PLEKHA2: variants seen among roughly 807,000 people sequenced by gnomAD.
PLEKHA2 encodes pleckstrin homology domain containing A2, also known as pleckstrin homology domain-containing family A member 2.
Under a neutral mutation model 53.2 loss-of-function variants are expected in PLEKHA2, and 28 were observed. That is an observed-to-expected ratio of 0.53 (90% CI 0.39 to 0.72). The LOEUF (loss-of-function observed/expected upper bound fraction) is 0.72, where lower values mean the gene tolerates loss of function less well. Among genes scored for constraint, PLEKHA2 ranks in the 30% least tolerant of loss-of-function variants. The probability of loss-of-function intolerance (pLI) is 0.00; values close to 1 mark genes in which losing one functional copy is unlikely to be tolerated. For missense variants in PLEKHA2, 426 were observed against 537.9 expected (o/e 0.79, Z 2.06); for synonymous variants, 193 against 196.4 (o/e 0.98, Z 0.14).
rs764489062 is a variant in PLEKHA2, at chr8:38,957,319, C to T, written c.774-4C>T. The T allele has an allele frequency of 1.2e-6, 2 of 1,609,782 alleles. No homozygotes were observed. Among genetic ancestry groups the T allele is most frequent in the Admixed American group, 3.3e-5 (2 of 59,960 alleles). On this transcript the variant is annotated splice_polypyrimidine_tract_variant and splice_region_variant and intron_variant, in intron 9 of 11. Transcript: ENST00000617275. ...CATAACATTCTTTCTCTTTCTCTGT[C>T]TAGTGATCTCTTAATGAGGGACAAC...
At chr8:38,913,338 T>C (rs570183667) in intron 1 of PLEKHA2, among the ~76,000 whole-genome samples, 2 of 137,136 alleles carry the variant, frequency 1.5e-5, no homozygotes, top group East Asian at 4.2e-4. Flanking sequence ...CACTCCAGCC[T>C]GGGTGACATA....
chr8:38,904,993 A>G (rs1833848379), intron 1 of PLEKHA2, among the ~76,000 whole-genome samples: 1 of 152,232 alleles, frequency 6.6e-6, no homozygotes. Context: ...TCCATTTTGC[A>G]GATTAGGAAA....
In PLEKHA2 at chr8:38,922,339, T is replaced by C. The variant is rs1421894704; in HGVS notation, c.141+4269T>C. Among the ~76,000 whole-genome samples the C allele has an allele frequency of 1.3e-5, 2 of 152,112 alleles. No homozygotes were observed. Among genetic ancestry groups the C allele is most frequent in the African/African-American group, 2.4e-5 (1 of 41,416 alleles). On this transcript the variant is annotated intron_variant, in intron 2 of 11. Coordinates refer to ENST00000617275, the MANE Select transcript of PLEKHA2 (RefSeq NM_021623.2). This position sits in a 1 kb window ranked among gnomAD's most constrained non-coding sequence, Gnocchi z 4.0. ...CCAGCATTTGATGAATATGTGTTCA[T>C]TGAATGAAGGAATGAATGAGCCAGC... is the stretch of plus-strand genomic sequence containing the variant.
intron 5 of PLEKHA2, among the ~76,000 whole-genome samples, chr8:38,949,366 G>T (rs987068535): frequency 6.6e-6 from 1 of 152,144 alleles, no homozygotes; most frequent in African/African-American, 2.4e-5. Flanking sequence ...GGCCTCTCCC[G>T]TTCTGCTGGG....
At chr8:38,955,173 G>A (rs1030842606) in intron 9 of PLEKHA2, among the ~76,000 whole-genome samples, 3 of 152,152 alleles carry the variant, frequency 2.0e-5, no homozygotes, top group Admixed American at 6.5e-5. Flanking sequence ...CAGTGTCCAC[G>A]GTGCCCAAAT....
intron 2 of PLEKHA2, among the ~76,000 whole-genome samples, chr8:38,929,102 C>T (rs539107375): frequency 2.5e-4 from 38 of 152,202 alleles, no homozygotes; most frequent in Admixed American, 7.8e-4. Flanking sequence ...TCTACATGGC[C>T]GTGGCTTTTG....
chr8:38,957,493 T>C (rs1674975286), intron 10 of PLEKHA2, 107 bp downstream of exon 10: 4 of 984,022 alleles, frequency 4.1e-6, no homozygotes, highest in African/African-American at 3.2e-5. Context: ...TTGAAGTTTC[T>C]AGGCAGTAAA....
chr8:38,964,566 C>T (rs1564158662), intron 10 of PLEKHA2, among the ~76,000 whole-genome samples: 2 of 152,114 alleles, frequency 1.3e-5, no homozygotes, highest in Non-Finnish European at 2.9e-5. Flanking sequence ...TTGTCTTCCA[C>T]AAAACCGATC....
chr8:38,941,687 T>C (rs547236760), intron 3 of PLEKHA2, among the ~76,000 whole-genome samples: 13 of 152,320 alleles, frequency 8.5e-5, no homozygotes, highest in African/African-American at 2.9e-4. Flanking sequence ...TCAAAAGCTA[T>C]AAATAATCCC....
At chr8:38,954,214 C>T (rs1405635587) in intron 9 of PLEKHA2, among the ~76,000 whole-genome samples, 1 of 152,234 alleles carries the variant, frequency 6.6e-6, no homozygotes, top group African/African-American at 2.4e-5. Flanking sequence ...TGCATGAAAA[C>T]AACATGCTGT....
intron 2 of PLEKHA2, 125 bp downstream of exon 2, chr8:38,918,195 G>C (rs1478234501): frequency 2.3e-6 from 3 of 1,277,780 alleles, no homozygotes; most frequent in Admixed American, 5.2e-5. Context: ...AGCAGGGAGG[G>C]GACAACCCTA....
At position 38,951,097 on chromosome 8, in the gene PLEKHA2, G is replaced by T. The variant is rs189761026; in HGVS notation, c.486+107G>T. The T allele has an allele frequency of 8.0e-3, 5,438 of 683,832 alleles. 1,084 individuals carry two copies. The highest frequency in any genetic ancestry group is 9.9e-3 in the Non-Finnish European group (4,554 of 457,780). 42.4% of individuals were successfully genotyped at this position (683,832 alleles called of 1,614,324 possible). ...TACTGGGGAAAAGGAGGGTGGGAGT[G>T]GGGGGCAGCTGGTGCCAGTGGAGCC... On this transcript the variant is annotated intron_variant, in intron 6 of 11. Coordinates refer to ENST00000617275, the MANE Select transcript of PLEKHA2 (RefSeq NM_021623.2).
chr8:38,951,012 G>T lies in PLEKHA2; in HGVS notation c.486+22G>T, dbSNP rs758360445. ...CCAGGTGAGGGGCCTGACTGGGGCT[G>T]CGGGGGGAGTGGGGGTGTGGAAGTG... On this transcript the variant is annotated intron_variant, in intron 6 of 11. Coordinates refer to ENST00000617275, the MANE Select transcript of PLEKHA2 (RefSeq NM_021623.2). 2.2e-5 allele frequency: 35 copies of T among 1,610,072 alleles called. No homozygotes were observed. The South Asian group carries it at 3.8e-4, about 17-fold the overall frequency.
chr8:38,902,902 A>G (rs992237811), intron 1 of PLEKHA2, among the ~76,000 whole-genome samples: 1 of 152,324 alleles, frequency 6.6e-6, no homozygotes, highest in African/African-American at 2.4e-5. Flanking sequence ...GTAAGCTTTT[A>G]GAAAGCATCA....
intron 10 of PLEKHA2, among the ~76,000 whole-genome samples, chr8:38,965,120 T>TTAGG (rs1373834131): frequency 2.0e-5 from 3 of 152,202 alleles, no homozygotes; most frequent in Admixed American, 6.5e-5. Flanking sequence ...ACAAATTGTA[T>TTAGG]TAGGTAGTCA....
At chr8:38,967,295 T>A (rs1249008605) in intron 10 of PLEKHA2, among the ~76,000 whole-genome samples, 1 of 152,108 alleles carries the variant, frequency 6.6e-6, no homozygotes, top group Non-Finnish European at 1.5e-5. Context: ...CTTTAAAAAA[T>A]TTTTAAAGTT....
At chr8:38,920,923 C>T (rs937052166) in intron 2 of PLEKHA2, among the ~76,000 whole-genome samples, 1 of 152,080 alleles carries the variant, frequency 6.6e-6, no homozygotes, top group Non-Finnish European at 1.5e-5. Flanking sequence ...GTCTCAGCCT[C>T]CCGAGTAGCT....
chr8:38,965,149 A>G (rs1835112632), intron 10 of PLEKHA2, among the ~76,000 whole-genome samples: 1 of 152,162 alleles, frequency 6.6e-6, no homozygotes, highest in African/African-American at 2.4e-5. Context: ...TAATAGTGGT[A>G]TTTTGATTCT....
rs562342742 is a variant in PLEKHA2, at chr8:38,945,023, G to A, written c.248-1101G>A. 2.0e-5 allele frequency among the ~76,000 whole-genome samples: 3 copies of A among 152,162 alleles called. No individual in the cohort carries two copies. In the East Asian group the frequency reaches 5.8e-4, roughly 29 times the overall value. The stretch of plus-strand genomic sequence containing the variant: ...ACAAAGGAAGGAGAATTCTGTTAAG[G>A]GTCTCAGTTGCCCAATAGTGACATG... On this transcript the variant is annotated intron_variant, in intron 4 of 11. Coordinates refer to ENST00000617275, the MANE Select transcript of PLEKHA2 (RefSeq NM_021623.2).
Sources: allele counts gnomAD v4.1 joint callset (sites outside exome capture counted in the v4.1 genomes callset), GRCh38; gene constraint gnomAD v4.1.1; non-coding constraint Gnocchi (gnomAD v3.1); transcripts MANE v1.5; gene names NCBI Gene and HGNC (gene_info 2026-07-23, HGNC 2026-07-21).